Variants in LRRC4C observed in about 807,000 individuals in gnomAD.
The protein encoded by LRRC4C is leucine-rich repeat-containing protein 4C.
A neutral mutation model predicts 33.6 loss-of-function variants in LRRC4C; 5 were observed. The observed-to-expected ratio is 0.15, with a 90% CI of 0.08 to 0.31. The LOEUF is 0.31. LRRC4C is among the 10% of genes least tolerant of loss of function. The pLI is 1.00. For synonymous variants in LRRC4C, 329 were observed against 302.0 expected, an observed-to-expected ratio of 1.09 and a Z score of -0.93; for missense variants, 560 against 796.7, an observed-to-expected ratio of 0.70 and a Z score of 3.58.
At chr11:40,623,298 A>G (rs766476402) in intron 3 of LRRC4C, among the ~76,000 whole-genome samples, 2 of 152,006 alleles carry the variant, frequency 1.3e-5, no homozygotes, top group African/African-American at 2.4e-5. Context: ...AATTTCATTA[A>G]ATAAGAGTTA....
chr11:41,120,459 C>G (rs1481635247), intron 1 of LRRC4C, among the ~76,000 whole-genome samples: 12 of 152,100 alleles, frequency 7.9e-5, no homozygotes, highest in Admixed American at 7.9e-4. Flanking sequence ...TCATTGCTCC[C>G]TATATTCTAG....
At chr11:40,405,242 T>G (rs1949917048) in intron 3 of LRRC4C, among the ~76,000 whole-genome samples, 1 of 152,014 alleles carries the variant, frequency 6.6e-6, no homozygotes, top group South Asian at 2.1e-4. Context: ...TTTGGTTCAC[T>G]CATATTGTTA....
intron 2 of LRRC4C, among the ~76,000 whole-genome samples, chr11:40,873,132 T>C (rs571070487): frequency 2.0e-5 from 3 of 152,288 alleles, no homozygotes; most frequent in Non-Finnish European, 2.9e-5. Flanking sequence ...GTTCAAATTC[T>C]ATTAGCAGAG....
chr11:40,589,103 C>T (rs1302136540), intron 3 of LRRC4C, among the ~76,000 whole-genome samples: 33 of 151,916 alleles, frequency 2.2e-4, no homozygotes, highest in Admixed American at 5.9e-4. Context: ...TATTAATGTG[C>T]GGGAGTCTAA....
At chr11:40,791,923 G>T (rs2135165962) in intron 2 of LRRC4C, among the ~76,000 whole-genome samples, 1 of 151,924 alleles carries the variant, frequency 6.6e-6, no homozygotes, top group South Asian at 2.1e-4. Context: ...TGTTTTATCT[G>T]GTAAAAAAGG....
intron 3 of LRRC4C, among the ~76,000 whole-genome samples, chr11:40,606,785 C>T (rs10837442): frequency 0.39 from 59,380 of 151,866 alleles, 14,036 homozygotes; most frequent in Middle Eastern, 0.56. Flanking sequence ...GAGGAGAAAG[C>T]TATTTTGAAA....
At chr11:40,922,972 A>T (rs1038152141) in intron 2 of LRRC4C, among the ~76,000 whole-genome samples, 1 of 152,068 alleles carries the variant, frequency 6.6e-6, no homozygotes, top group Non-Finnish European at 1.5e-5. Context: ...CTGCAGGCAT[A>T]CGCCACCACA....
At chr11:41,448,120 C>CTTTTTTTTTTTTTTTTTTTTTTTT (rs1211366298) in intron 1 of LRRC4C, among the ~76,000 whole-genome samples, 1 of 23,858 alleles carries the variant, frequency 4.2e-5, no homozygotes, top group African/African-American at 2.2e-4. Flanking sequence ...CTGCACACGT[C>CTTTTTTTTTTTTTTTTTTTTTTTT]TGTTTTTTTT....
At chr11:40,981,021 G>A (rs1292126279) in intron 1 of LRRC4C, among the ~76,000 whole-genome samples, 1 of 152,138 alleles carries the variant, frequency 6.6e-6, no homozygotes, top group Non-Finnish European at 1.5e-5. Flanking sequence ...CTCATCTGAG[G>A]AAGCAAAGGC....
intron 5 of LRRC4C, among the ~76,000 whole-genome samples, chr11:40,178,487 T>C (rs759907392): frequency 2.8e-4 from 42 of 152,226 alleles, no homozygotes; most frequent in Non-Finnish European, 1.0e-4. Flanking sequence ...TAGGGTAAGC[T>C]AGAAAGTTAG....
At chr11:41,014,417 C>A (rs1855431567) in intron 1 of LRRC4C, among the ~76,000 whole-genome samples, 1 of 151,606 alleles carries the variant, frequency 6.6e-6, no homozygotes, top group African/African-American at 2.4e-5. Context: ...AAATAGGAAG[C>A]AATAAATGGT....
At chr11:40,614,213 T>C (rs910747457) in intron 3 of LRRC4C, among the ~76,000 whole-genome samples, 8 of 151,758 alleles carry the variant, frequency 5.3e-5, no homozygotes, top group African/African-American at 1.2e-4. Context: ...TTTGTCTACA[T>C]TGAAAATCTG....
intron 3 of LRRC4C, among the ~76,000 whole-genome samples, chr11:40,327,908 T>A (rs1404290011): frequency 6.6e-5 from 10 of 151,918 alleles, no homozygotes; most frequent in South Asian, 2.1e-4. Flanking sequence ...AAGAAAAAAA[T>A]TTCATTTATG....
chr11:40,404,529 T>C (rs2137574722), intron 3 of LRRC4C, among the ~76,000 whole-genome samples: 1 of 152,168 alleles, frequency 6.6e-6, no homozygotes, highest in South Asian at 2.1e-4. Context: ...TCCTTCTACC[T>C]CACAAGTGAA....
At chr11:41,213,365 C>A (rs1471564743) in intron 1 of LRRC4C, among the ~76,000 whole-genome samples, 1 of 152,100 alleles carries the variant, frequency 6.6e-6, no homozygotes, top group African/African-American at 2.4e-5. Flanking sequence ...CACCTGGGGA[C>A]CTTTTCTCAG....
chr11:40,958,835 C>G (rs748054104), intron 1 of LRRC4C, among the ~76,000 whole-genome samples: 3 of 151,708 alleles, frequency 2.0e-5, no homozygotes, highest in Non-Finnish European at 4.4e-5. Flanking sequence ...GAGGAGCTAT[C>G]AGGATTCATA....
chr11:40,263,010 C>T (rs1941978982), intron 4 of LRRC4C, among the ~76,000 whole-genome samples: 1 of 151,352 alleles, frequency 6.6e-6, no homozygotes, highest in South Asian at 2.1e-4. Flanking sequence ...TTTTTTTGGC[C>T]AGAGCTTACA....
At chr11:40,976,691 C>A (rs1266141276) in intron 1 of LRRC4C, among the ~76,000 whole-genome samples, 3 of 151,586 alleles carry the variant, frequency 2.0e-5, no homozygotes, top group African/African-American at 7.3e-5. Context: ...GTCATGAAGG[C>A]AAAACAATAG....
intron 5 of LRRC4C, among the ~76,000 whole-genome samples, chr11:40,218,252 T>C (rs1412296932): frequency 2.0e-5 from 3 of 152,090 alleles, no homozygotes; most frequent in Admixed American, 2.0e-4. Context: ...CCTATGAAAA[T>C]TGGGAAATTT....
Sources: gnomAD v4.1 joint callset for allele counts (sites outside exome capture counted in the v4.1 genomes callset) on GRCh38, gnomAD v4.1.1 for gene constraint, MANE v1.5 for transcripts, NCBI Gene and HGNC (gene_info 2026-07-23, HGNC 2026-07-21) for gene names.